MAML1: variants seen among roughly 807,000 people sequenced by gnomAD.
MAML1 encodes the protein mastermind like transcriptional coactivator 1, also known as mastermind-like protein 1.
Under a neutral mutation model 77.1 loss-of-function variants are expected in MAML1, and 14 were observed. The ratio of observed to expected loss-of-function variants is 0.18; its 90% CI spans 0.12 to 0.28. The LOEUF (loss-of-function observed/expected upper bound fraction) is 0.28, where lower values mean the gene tolerates loss of function less well. MAML1 is among the 10% of genes least tolerant of loss of function. MAML1 has a pLI of 1.00. For missense variants in MAML1, 1,217 were observed against 1,327.8 expected, an observed-to-expected ratio of 0.92 and a Z score of 1.30; for synonymous variants, 516 against 551.9, an observed-to-expected ratio of 0.93 and a Z score of 0.91.
chr5:179,736,849 T>A (rs1480410699), intron 1 of MAML1, among the ~76,000 whole-genome samples: 1 of 151,406 alleles, frequency 6.6e-6, no homozygotes, highest in African/African-American at 2.4e-5. Context: ...TGGTCCCAGC[T>A]ACACGGGAGG....
chr5:179,766,778 A>C lies in MAML1; in HGVS notation c.1731+37A>C. ...CCTTTGCTTTCTGTTCCTCTGCTGC[A>C]GACACTTCAGTGAGGTTACTCACTA... On this transcript the variant is annotated intron_variant, in intron 2 of 4. Transcript: ENST00000292599. This position sits in a 1 kb window ranked among gnomAD's most constrained non-coding sequence, Gnocchi z 4.0. 1 of 1,479,586 alleles carries C rather than the reference A, an allele frequency of 6.8e-7. No homozygotes were observed. The highest frequency in any genetic ancestry group is 9.1e-7 in the Non-Finnish European group (1 of 1,103,770). 91.7% of individuals were successfully genotyped at this position (1,479,586 alleles called of 1,614,324 possible). A position where few individuals can be genotyped will look rare whatever the true frequency, so the allele number is the denominator to read the frequency against.
chr5:179,760,465 G>A (rs899377371), intron 1 of MAML1, among the ~76,000 whole-genome samples: 1 of 152,180 alleles, frequency 6.6e-6, no homozygotes, highest in African/African-American at 2.4e-5. Context: ...GCACATTTGA[G>A]AAGCTATAAG....
Position 179,769,589 on chromosome 5 carries a change from G to A in MAML1, c.1971+500G>A, listed in dbSNP as rs1461745742. 6.6e-6 allele frequency among the ~76,000 whole-genome samples: 1 copy of A among 151,866 alleles called. No individual in the cohort carries two copies. Among genetic ancestry groups the A allele is most frequent in the Non-Finnish European group, 1.5e-5 (1 of 67,980 alleles). On this transcript the variant is annotated intron_variant, in intron 3 of 4. Coordinates refer to ENST00000292599, the MANE Select transcript of MAML1 (RefSeq NM_014757.5). This position sits in a 1 kb window ranked among gnomAD's most constrained non-coding sequence, Gnocchi z 4.2. ...TTTTTTTTGGAGACAGAGTCTTGCT[G>A]TCACCCAGGCTGGACTGCAGTGGTG...
rs1278574615 is a variant in MAML1 at position 179,774,144 on chromosome 5, A to T, written c.2318A>T (p.Gln773Leu). 6.2e-7 allele frequency: 1 copy of T among 1,613,500 alleles called. No homozygotes were observed. Among genetic ancestry groups the T allele is most frequent in the Non-Finnish European group, 8.5e-7 (1 of 1,180,028 alleles). ...ITQIVAQPPP[Q>L]ATNGHAHIPR... ...CAGATAGTTGCCCAGCCCCCGCCAC[A>T]GGCCACCAATGGACATGCCCACATT... The change falls in exon 5 of 5, where the codon CAG becomes CTG. Residue 773 changes from glutamine to leucine, a missense_variant. By Grantham distance (113) the Gln-to-Leu change is moderately radical. This residue lies in a region of MAML1 where 884 missense variants were observed against 949.3 expected (regional missense o/e 0.93). Transcript: ENST00000292599.
intron 1 of MAML1, among the ~76,000 whole-genome samples, chr5:179,746,640 T>G (rs919203543): frequency 1.3e-4 from 20 of 152,168 alleles, no homozygotes; most frequent in Non-Finnish European, 1.5e-5. Context: ...CCCAAAGTGC[T>G]GGGATTACAG....
At chr5:179,772,324 A>G (rs541762219) in intron 4 of MAML1, among the ~76,000 whole-genome samples, 41 of 152,240 alleles carry the variant, frequency 2.7e-4, no homozygotes, top group Non-Finnish European at 4.0e-4. Context: ...TCACCATGTT[A>G]GCCAGGCTGA....
intron 1 of MAML1, among the ~76,000 whole-genome samples, chr5:179,747,300 GGTGC>G (rs1298075780): frequency 6.6e-6 from 1 of 152,182 alleles, no homozygotes; most frequent in Non-Finnish European, 1.5e-5. Flanking sequence ...TATTATAGAA[GGTGC>G]TCTGAAGTGA....
At chr5:179,737,962 A>G (rs1451801288) in intron 1 of MAML1, among the ~76,000 whole-genome samples, 1 of 135,518 alleles carries the variant, frequency 7.4e-6, no homozygotes, top group Admixed American at 7.3e-5. Flanking sequence ...GCACCCGGCT[A>G]GGTTTTAAAG....
intron 1 of MAML1, among the ~76,000 whole-genome samples, chr5:179,755,676 A>G (rs1015647273): frequency 6.6e-6 from 1 of 151,988 alleles, no homozygotes; most frequent in Non-Finnish European, 1.5e-5. Flanking sequence ...AACTTTCTTA[A>G]AACACTATGA....
intron 1 of MAML1, among the ~76,000 whole-genome samples, chr5:179,746,522 C>T (rs1053337778): frequency 1.3e-5 from 2 of 151,632 alleles, no homozygotes; most frequent in Non-Finnish European, 2.9e-5. Flanking sequence ...TACAGGCATA[C>T]GCCACCACAC....
In MAML1 at chr5:179,737,859, C is replaced by T. The variant is rs116107514; in HGVS notation, c.315+4432C>T. On this transcript the variant is annotated intron_variant, in intron 1 of 4. Transcript: ENST00000292599. ...GGTCTGGCTCTATCACCCAGTGGCG[C>T]GATCGTGGGGCACTACAGCCTTGAA... Among the ~76,000 whole-genome samples the T allele has an allele frequency of 1.4e-4, 21 of 152,286 alleles. No homozygotes were observed. The East Asian group carries it at 3.3e-3, about 24-fold the overall frequency.
rs1756080662 is a variant in MAML1, at chr5:179,774,376, G to C, written c.2550G>C (p.Gln850His). The change falls in exon 5 of 5, where the codon CAG (glutamine) becomes CAC (histidine). Residue 850 changes from glutamine (Q) to histidine (H), a missense_variant. Around this residue, in one of 3 missense-constraint regions of MAML1, gnomAD observed 884 missense variants for 949.3 expected, o/e 0.93. Coordinates refer to ENST00000292599, the MANE Select transcript of MAML1 (RefSeq NM_014757.5). ...AGGGAATGCCGAACCTCAGTGGCCA[G>C]ACCCCAGGGAACAGCAACGTGAGTC... ...QHQGMPNLSG[Q>H]TPGNSNVSPF... The C allele has an allele frequency of 6.2e-7, 1 of 1,613,112 alleles. No individual in the cohort carries two copies. The highest frequency in any genetic ancestry group is 1.3e-5 in the African/African-American group (1 of 74,950).
Position 179,775,979 on chromosome 5 carries a change from C to A in MAML1, c.*1102C>A. The A allele has an allele frequency of 1.0e-6, 1 of 985,752 alleles. No individual in the cohort carries two copies. Among genetic ancestry groups the A allele is most frequent in the East Asian group, 1.1e-4 (1 of 8,814 alleles). 61.1% of individuals were successfully genotyped at this position (985,752 alleles called of 1,614,324 possible). A position where few individuals can be genotyped will look rare whatever the true frequency, so the allele number is the denominator to read the frequency against. On this transcript the variant is annotated 3_prime_UTR_variant, in exon 5 of 5. Coordinates refer to ENST00000292599, the MANE Select transcript of MAML1 (RefSeq NM_014757.5). The stretch of plus-strand genomic sequence containing the variant: ...ATTCCACTTGGTTTGACAACTTCTG[C>A]CACTCCCATGTCAGATGACTTGCAC...
Position 179,775,388 on chromosome 5 carries a change from A to G in MAML1, c.*511A>G, listed in dbSNP as rs1311061589. 1.0e-6 allele frequency: 1 copy of G among 985,276 alleles called. No individual in the cohort carries two copies. Among genetic ancestry groups the G allele is most frequent in the Non-Finnish European group, 1.2e-6 (1 of 829,876 alleles). 61.0% of individuals were successfully genotyped at this position (985,276 alleles called of 1,614,324 possible). On this transcript the variant is annotated 3_prime_UTR_variant, in exon 5 of 5. Transcript: ENST00000292599. The stretch of plus-strand genomic sequence containing the variant: ...TTAGGGTAGGTGATGGTTTAAATCA[A>G]TTAAGTGGCATTGGAAACCTAGGGT...
intron 1 of MAML1, among the ~76,000 whole-genome samples, chr5:179,755,181 A>G (rs1481345004): frequency 2.0e-5 from 3 of 152,226 alleles, no homozygotes; most frequent in South Asian, 4.1e-4. Context: ...CTTGAAATTC[A>G]GGATAACCGA....
Position 179,733,868 on chromosome 5 carries a change from C to T in MAML1, c.315+441C>T, listed in dbSNP as rs757321843. On this transcript the variant is annotated intron_variant, in intron 1 of 4. Transcript: ENST00000292599. ...GTGCTGTGAGCAGGATCAGGGCTTT[C>T]ATGTGGAAATAAGTCGGCCTTTGGT... Among the ~76,000 whole-genome samples the T allele has an allele frequency of 4.6e-5, 7 of 152,188 alleles. No homozygotes were observed. In the East Asian group the frequency reaches 1.2e-3, roughly 25 times the overall value.
Position 179,774,435 on chromosome 5 carries a change from A to G in MAML1, c.2609A>G (p.Gln870Arg). The change falls in exon 5 of 5, where the codon CAG becomes CGG. Residue 870 changes from glutamine to arginine, a missense_variant. Physicochemically the swap from Gln to Arg is conservative, Grantham distance 43. Around this residue, in one of 3 missense-constraint regions of MAML1, gnomAD observed 884 missense variants for 949.3 expected, o/e 0.93. Transcript: ENST00000292599. ...FTAASSFHMQQQAHLKMSSPQ... is the reference protein window; with the variant it reads ...FTAASSFHMQRQAHLKMSSPQ... ...GCAGCCTCCAGTTTCCACATGCAGC[A>G]GCAGGCCCACCTGAAAATGTCTAGC... 1 of 1,613,296 alleles carries G rather than the reference A, an allele frequency of 6.2e-7. No homozygotes were observed. Among genetic ancestry groups the G allele is most frequent in the African/African-American group, 1.3e-5 (1 of 75,074 alleles).
At chr5:179,762,436 G>A (rs146935571) in intron 1 of MAML1, among the ~76,000 whole-genome samples, 9 of 152,218 alleles carry the variant, frequency 5.9e-5, no homozygotes, top group African/African-American at 1.4e-4. Flanking sequence ...TTAGGTCAGC[G>A]GGGTGTCTTG....
chr5:179,769,486 C>T lies in MAML1; in HGVS notation c.1971+397C>T, dbSNP rs1755924218. On this transcript the variant is annotated intron_variant, in intron 3 of 4. Coordinates refer to ENST00000292599, the MANE Select transcript of MAML1 (RefSeq NM_014757.5). The surrounding 1 kb of genome is among the most constrained non-coding windows in gnomAD (Gnocchi z 4.2). ...CGTGAAGAGGGAAGTGAAGTCATCCCTGAGGGAAACACAGTTCACTCGCTT... is the reference window on the plus strand; with the variant it reads ...CGTGAAGAGGGAAGTGAAGTCATCCTTGAGGGAAACACAGTTCACTCGCTT... Among the ~76,000 whole-genome samples the T allele has an allele frequency of 6.6e-6, 1 of 152,080 alleles. No individual in the cohort carries two copies. Among genetic ancestry groups the T allele is most frequent in the Non-Finnish European group, 1.5e-5 (1 of 68,022 alleles).
Sources: allele counts gnomAD v4.1 joint callset (sites outside exome capture counted in the v4.1 genomes callset), GRCh38; gene constraint gnomAD v4.1.1; regional missense constraint gnomAD v4.1.1; non-coding constraint Gnocchi (gnomAD v3.1); transcripts MANE v1.5; gene names NCBI Gene and HGNC (gene_info 2026-07-23, HGNC 2026-07-21).